KCNQ5: variants seen among roughly 807,000 people sequenced by gnomAD.
KCNQ5 encodes potassium voltage-gated channel subfamily KQT member 5.
Under a neutral mutation model 98.2 loss-of-function variants are expected in KCNQ5, and 30 were observed. That is an observed-to-expected ratio of 0.31 (90% CI 0.23 to 0.41). The LOEUF (loss-of-function observed/expected upper bound fraction) is 0.41, where lower values mean the gene tolerates loss of function less well. KCNQ5 is among the 10% of genes least tolerant of loss of function. The pLI is 1.00. For synonymous variants in KCNQ5, 458 were observed against 449.4 expected (o/e 1.02, Z -0.24); for missense variants, 835 against 1,182.5 (o/e 0.71, Z 4.31).
At chr6:73,178,953 T>G (rs1452615960) in intron 11 of KCNQ5, among the ~76,000 whole-genome samples, 1 of 152,204 alleles carries the variant, frequency 6.6e-6, no homozygotes, top group East Asian at 1.9e-4. Flanking sequence ...GCAGCCCTAG[T>G]TGTCTGCTGG....
rs200123457 is a variant in KCNQ5, at chr6:73,008,547, TACA to T, written c.489+4554_489+4556del. On this transcript the variant is annotated intron_variant, in intron 2 of 13. Transcript: ENST00000370398. ...CATTATATATTAATAAAAGGTTTAA[TACA>T]ACAAGAAGATGTAATAATTATAAAC... Among the ~76,000 whole-genome samples the T allele has an allele frequency of 2.8e-3, 428 of 152,214 alleles. 4 individuals are homozygous for T. The highest frequency in any genetic ancestry group is 0.025 in the East Asian group (132 of 5,186).
intron 1 of KCNQ5, among the ~76,000 whole-genome samples, chr6:72,953,819 AAG>A (rs1262095496): frequency 6.6e-6 from 1 of 152,216 alleles, no homozygotes; most frequent in Non-Finnish European, 1.5e-5. Context: ...AAAAACTTAA[AAG>A]AAAAAATATG....
chr6:72,946,723 A>G (rs890451013), intron 1 of KCNQ5, among the ~76,000 whole-genome samples: 2 of 152,232 alleles, frequency 1.3e-5, no homozygotes, highest in African/African-American at 4.8e-5. Flanking sequence ...ATAAATATGG[A>G]TTTGTTTAAT....
In KCNQ5 at chr6:72,645,220, A is replaced by AAC. The variant is rs1554682001; in HGVS notation, c.398+22634_398+22635insCA. ...CCTTGTCACCAAAAAAAAACAAAAA[A>AAC]AAACAAAAAAAACATAGTAGCTGCG... is the stretch of plus-strand genomic sequence containing the variant. On this transcript the variant is annotated intron_variant, in intron 1 of 13. Coordinates refer to ENST00000370398, the MANE Select transcript of KCNQ5 (RefSeq NM_019842.4). 3.6e-4 allele frequency among the ~76,000 whole-genome samples: 54 copies of AAC among 148,310 alleles called. 2 individuals are homozygous for AAC. Among genetic ancestry groups the AAC allele is most frequent in the African/African-American group, 6.2e-4 (25 of 40,052 alleles).
chr6:72,990,341 G>T (rs1769033521), intron 1 of KCNQ5, among the ~76,000 whole-genome samples: 2 of 43,100 alleles, frequency 4.6e-5, no homozygotes, highest in Non-Finnish European at 9.0e-5. Flanking sequence ...CTTGAGCAGT[G>T]GTTTGTAGTT....
At chr6:72,898,144 G>A (rs1021069199) in intron 1 of KCNQ5, among the ~76,000 whole-genome samples, 3 of 152,140 alleles carry the variant, frequency 2.0e-5, no homozygotes, top group Admixed American at 2.0e-4. Flanking sequence ...GGAAACGTTT[G>A]TGTAATGAGA....
chr6:73,100,995 A>T (rs1774750451), intron 5 of KCNQ5, among the ~76,000 whole-genome samples: 1 of 152,184 alleles, frequency 6.6e-6, no homozygotes, highest in Non-Finnish European at 1.5e-5. Flanking sequence ...GCCATAAAAA[A>T]AATTATCCCA....
At chr6:72,999,017 A>T (rs1308447195) in intron 1 of KCNQ5, among the ~76,000 whole-genome samples, 1 of 152,040 alleles carries the variant, frequency 6.6e-6, no homozygotes, top group African/African-American at 2.4e-5. Flanking sequence ...GTACCTGGGG[A>T]TTGTGTGTTT....
chr6:72,918,287 T>C (rs1780250656), intron 1 of KCNQ5, among the ~76,000 whole-genome samples: 1 of 152,228 alleles, frequency 6.6e-6, no homozygotes, highest in East Asian at 1.9e-4. Flanking sequence ...CCAAATTTAT[T>C]TAAGTATGGG....
At chr6:72,840,698 T>G (rs1341199332) in intron 1 of KCNQ5, among the ~76,000 whole-genome samples, 3 of 152,214 alleles carry the variant, frequency 2.0e-5, no homozygotes, top group African/African-American at 7.2e-5. Context: ...AGATTACAAA[T>G]GGAAACTCCT....
At chr6:73,167,211 C>T (rs1036428351) in intron 10 of KCNQ5, among the ~76,000 whole-genome samples, 1 of 152,172 alleles carries the variant, frequency 6.6e-6, no homozygotes, top group Non-Finnish European at 1.5e-5. Flanking sequence ...AACCAACTGT[C>T]AAACACAGAG....
rs77582796 is a variant in KCNQ5, at chr6:72,950,390, T to A, written c.399-53518T>A. Among the ~76,000 whole-genome samples the A allele has an allele frequency of 7.1e-3, 1,084 of 152,070 alleles. 5 individuals are homozygous for A. Among genetic ancestry groups the A allele is most frequent in the Non-Finnish European group, 0.011 (746 of 67,976 alleles). On this transcript the variant is annotated intron_variant, in intron 1 of 13. Transcript: ENST00000370398. ...CACAGTCTGAAGTCACTGAATGGAG[T>A]TGATGAAGCTAATGCTTCACAAATA...
At chr6:73,162,131 T>C (rs1467850704) in intron 10 of KCNQ5, among the ~76,000 whole-genome samples, 1 of 151,756 alleles carries the variant, frequency 6.6e-6, no homozygotes, top group Non-Finnish European at 1.5e-5. Flanking sequence ...TTCACCATGT[T>C]GGCCAGGCTA....
intron 1 of KCNQ5, among the ~76,000 whole-genome samples, chr6:72,961,726 T>G (rs957471574): frequency 6.6e-6 from 1 of 151,738 alleles, no homozygotes; most frequent in Non-Finnish European, 1.5e-5. Flanking sequence ...GGTGTGGACT[T>G]CAGAAAGGAT....
chr6:73,056,314 C>T (rs886500311), intron 3 of KCNQ5, among the ~76,000 whole-genome samples: 13 of 152,106 alleles, frequency 8.5e-5, no homozygotes, highest in African/African-American at 3.1e-4. Flanking sequence ...GATGTGACAA[C>T]TGTTTCCTCC....
intron 1 of KCNQ5, among the ~76,000 whole-genome samples, chr6:72,801,312 G>C (rs1186991452): frequency 6.9e-6 from 1 of 145,388 alleles, no homozygotes; most frequent in African/African-American, 2.7e-5. Context: ...GGGTGCTCCT[G>C]TATTGGGTGC....
At chr6:72,675,099 C>G (rs538956353) in intron 1 of KCNQ5, among the ~76,000 whole-genome samples, 2 of 152,202 alleles carry the variant, frequency 1.3e-5, no homozygotes, top group East Asian at 3.9e-4. Flanking sequence ...TTGCTTTGCT[C>G]AGGTCTTTTT....
At chr6:72,687,411 A>G (rs1768010018) in intron 1 of KCNQ5, among the ~76,000 whole-genome samples, 1 of 152,218 alleles carries the variant, frequency 6.6e-6, no homozygotes, top group African/African-American at 2.4e-5. Flanking sequence ...CCATGCTCCA[A>G]ACACTATCCT....
intron 5 of KCNQ5, among the ~76,000 whole-genome samples, chr6:73,089,287 T>C (rs1406964420): frequency 1.3e-5 from 2 of 152,200 alleles, no homozygotes; most frequent in African/African-American, 2.4e-5. Flanking sequence ...TGAATAAAGA[T>C]GAACAGAATA....
Sources: allele counts gnomAD v4.1 joint callset (sites outside exome capture counted in the v4.1 genomes callset), GRCh38; gene constraint gnomAD v4.1.1; transcripts MANE v1.5; gene names NCBI Gene and HGNC (gene_info 2026-07-23, HGNC 2026-07-21).